Variants in SOX30 observed in about 807,000 individuals in gnomAD.
SOX30 encodes the protein transcription factor SOX-30.
A neutral mutation model predicts 58.6 loss-of-function variants in SOX30; 17 were observed. That is an observed-to-expected ratio of 0.29 (90% CI 0.20 to 0.44). The LOEUF (loss-of-function observed/expected upper bound fraction) is 0.44. Ranked by LOEUF, SOX30 falls within the 20% of genes least tolerant of loss-of-function variation. SOX30 has a pLI of 1.00. For missense variants in SOX30, 951 were observed against 965.8 expected, an observed-to-expected ratio of 0.98 and a Z score of 0.20; for synonymous variants, 421 against 400.2, an observed-to-expected ratio of 1.05 and a Z score of -0.62.
chr5:157,661,780 T>G (rs538439202), intron 2 of SOX30, among the ~76,000 whole-genome samples: 1 of 152,362 alleles, frequency 6.6e-6, no homozygotes, highest in East Asian at 1.9e-4. Flanking sequence ...TTGTTGTTAT[T>G]TAAACAATTT....
chr5:157,639,393 ATTTAATTTTTTTCGTTGAAAAAAAC>A lies in SOX30; in HGVS notation c.1388-696_1388-672del, dbSNP rs1048705720. On this transcript the variant is annotated intron_variant, in intron 3 of 4. Transcript: ENST00000265007. ...TATATTAAACTAAATTATAAATGAC[ATTTAATTTTTTTCGTTGAAAAAAAC>A]TTAAACAACAAAATTACTTCACTCT... Among the ~76,000 whole-genome samples, 181 of 152,280 alleles carry A rather than the reference ATTTAATTTTTTTCGTTGAAAAAAAC, an allele frequency of 1.2e-3. 1 individual carries two copies. The highest frequency in any genetic ancestry group is 7.3e-4 in the Non-Finnish European group (50 of 68,030).
At position 157,647,743 on chromosome 5, in the gene SOX30, T is replaced by G. The variant is rs977645698; in HGVS notation, c.1207+914A>C. Among the ~76,000 whole-genome samples, 5 of 151,716 alleles carry G rather than the reference T, an allele frequency of 3.3e-5. No homozygotes were observed. In the South Asian group the frequency reaches 1.0e-3, roughly 32 times the overall value. On this transcript the variant is annotated intron_variant, in intron 2 of 4. Transcript: ENST00000265007. ...CTAATTTTTTTATTTTTTTTTTTAG[T>G]AGAGATGGGGTTTCACTGTGTTAGC...
intron 3 of SOX30, among the ~76,000 whole-genome samples, chr5:157,643,634 C>T (rs1364787221): frequency 2.0e-5 from 3 of 151,820 alleles, no homozygotes; most frequent in East Asian, 1.9e-4. Flanking sequence ...GTATACAGTA[C>T]GATATTAATG....
At chr5:157,663,587 T>C (rs1759614211) in intron 2 of SOX30, among the ~76,000 whole-genome samples, 2 of 152,292 alleles carry the variant, frequency 1.3e-5, no homozygotes, top group Non-Finnish European at 2.9e-5. Flanking sequence ...AACATAGTGT[T>C]GGAAGTTCTG....
At chr5:157,668,165 C>T (rs992929823) in intron 1 of SOX30, among the ~76,000 whole-genome samples, 3 of 152,182 alleles carry the variant, frequency 2.0e-5, no homozygotes, top group African/African-American at 7.2e-5. Flanking sequence ...ATGTTTGGAG[C>T]CTTCGTTTAT....
At chr5:157,637,133 CAA>C (rs1203322529) in intron 4 of SOX30, among the ~76,000 whole-genome samples, 830 of 62,788 alleles carry the variant, frequency 0.013, 4 homozygotes, top group African/African-American at 0.045. Context: ...AACTCCGCCT[CAA>C]AAAAAAAAAA....
At chr5:157,630,476 A>T in intron 4 of SOX30, among the ~76,000 whole-genome samples, 1 of 152,042 alleles carries the variant, frequency 6.6e-6, no homozygotes, top group East Asian at 1.9e-4. Flanking sequence ...TTGGGGTTGT[A>T]GTTGTTTATT....
intron 3 of SOX30, among the ~76,000 whole-genome samples, chr5:157,643,877 G>A (rs1000788362): frequency 2.6e-5 from 4 of 151,832 alleles, no homozygotes; most frequent in East Asian, 1.9e-4. Context: ...TATAGCACAC[G>A]AGATGTGTGC....
chr5:157,661,333 A>C (rs1234534716), intron 2 of SOX30, among the ~76,000 whole-genome samples: 1 of 152,228 alleles, frequency 6.6e-6, no homozygotes, highest in Non-Finnish European at 1.5e-5. Context: ...TGAGAATTCT[A>C]CCATGAATAG....
rs997432283 is a variant in SOX30, at chr5:157,638,317, C to A, written c.1793G>T (p.Gly598Val). The A allele has an allele frequency of 1.1e-5, 17 of 1,608,562 alleles. No homozygotes were observed. Among genetic ancestry groups the A allele is most frequent in the Non-Finnish European group, 1.4e-5 (17 of 1,177,092 alleles). ...TGTCCCGAACAGTGTGGCTGGATGG[C>A]CAAGGGGAGGGGGCTGGTAGACATG... ...HPHVYQPPPL[G>V]HPATLFGTPP... is the part of the protein sequence containing the mutation. The change falls in exon 4 of 5, where the codon GGC (glycine) becomes GTC (valine). Residue 598 changes from glycine to valine, a missense_variant. Physicochemically the swap from Gly to Val is moderately radical, Grantham distance 109 (BLOSUM62 -3). Transcript: ENST00000265007.
At chr5:157,633,602 T>C (rs747379908) in intron 4 of SOX30, among the ~76,000 whole-genome samples, 16 of 152,246 alleles carry the variant, frequency 1.1e-4, no homozygotes, top group Admixed American at 3.9e-4. Context: ...AGTTTGTATA[T>C]GTATGCAGAT....
intron 1 of SOX30, chr5:157,667,972 G>A: frequency 8.9e-7 from 1 of 1,124,758 alleles, no homozygotes. Flanking sequence ...TATCTTACAG[G>A]CAAGAAAACC....
Position 157,665,679 on chromosome 5 carries a change from A to G in SOX30, c.52+2119T>C, listed in dbSNP as rs1304682143. Among the ~76,000 whole-genome samples, 8 of 147,676 alleles carry G rather than the reference A, an allele frequency of 5.4e-5. No individual in the cohort carries two copies. The Admixed American group carries it at 5.4e-4, about 10-fold the overall frequency. ...TATATAAATATTTAAATAAATATAAATAATTATAATTTATAATTTATTTAT... is the reference window on the plus strand; with the variant it reads ...TATATAAATATTTAAATAAATATAAGTAATTATAATTTATAATTTATTTAT... On this transcript the variant is annotated intron_variant, in intron 2 of 5. Transcript: ENST00000519442.
At chr5:157,660,963 G>A (rs1261863469) in intron 2 of SOX30, among the ~76,000 whole-genome samples, 4 of 151,960 alleles carry the variant, frequency 2.6e-5, no homozygotes, top group Non-Finnish European at 5.9e-5. Flanking sequence ...CATTTATTTA[G>A]GTCTTAATTT....
At chr5:157,629,491 G>A (rs527903107) in intron 4 of SOX30, among the ~76,000 whole-genome samples, 12 of 152,298 alleles carry the variant, frequency 7.9e-5, no homozygotes, top group Non-Finnish European at 1.8e-4. Flanking sequence ...TTTTGGTGTG[G>A]TAAAGACGAG....
chr5:157,661,528 T>C (rs974454586), intron 2 of SOX30, among the ~76,000 whole-genome samples: 2 of 152,266 alleles, frequency 1.3e-5, no homozygotes, highest in African/African-American at 4.8e-5. Flanking sequence ...ATAGACAATA[T>C]GCAAATGAAT....
intron 2 of SOX30, among the ~76,000 whole-genome samples, chr5:157,667,367 A>G (rs2113860918): frequency 6.6e-6 from 1 of 152,284 alleles, no homozygotes; most frequent in African/African-American, 2.4e-5. Flanking sequence ...TTGAAAATAC[A>G]TTTCATTTCC....
At chr5:157,630,918 C>A (rs1758776946) in intron 4 of SOX30, among the ~76,000 whole-genome samples, 8 of 121,670 alleles carry the variant, frequency 6.6e-5, no homozygotes, top group Non-Finnish European at 6.7e-5. Flanking sequence ...TATATAATAT[C>A]TATATTATAT....
intron 1 of SOX30, 46 bp downstream of exon 1, chr5:157,651,066 A>T (rs752562297): frequency 7.2e-7 from 1 of 1,387,798 alleles, no homozygotes; most frequent in Admixed American, 2.3e-5. Flanking sequence ...AGCTATGGGC[A>T]ACACAGACGC....
Sources: gnomAD v4.1 joint callset for allele counts (sites outside exome capture counted in the v4.1 genomes callset) on GRCh38, gnomAD v4.1.1 for gene constraint, MANE v1.5 for transcripts, NCBI Gene and HGNC (gene_info 2026-07-23, HGNC 2026-07-21) for gene names.